The following RHOJ variants were observed in gnomAD, a reference collection of about 807,000 sequenced individuals.
RHOJ encodes the protein ras homolog family member J, also known as rho-related GTP-binding protein RhoJ.
A neutral mutation model predicts 23.4 loss-of-function variants in RHOJ; 11 were observed. That is an observed-to-expected ratio of 0.47 (90% CI 0.30 to 0.78). RHOJ has a LOEUF of 0.78. RHOJ is among the 30% of genes least tolerant of loss of function. The pLI, the probability that RHOJ is intolerant of heterozygous loss-of-function variation, is 0.08. For synonymous variants in RHOJ, 102 were observed against 102.7 expected (o/e 0.99, Z 0.04); for missense variants, 254 against 273.4 (o/e 0.93, Z 0.50).
chr14:63,238,384 C>A (rs1894825843), intron 1 of RHOJ, among the ~76,000 whole-genome samples: 2 of 152,088 alleles, frequency 1.3e-5, no homozygotes, highest in African/African-American at 4.8e-5. Flanking sequence ...AGATCAGGGT[C>A]AGAAGAAAGT....
At chr14:63,255,121 A>C (rs1895140060) in intron 1 of RHOJ, among the ~76,000 whole-genome samples, 1 of 152,044 alleles carries the variant, frequency 6.6e-6, no homozygotes, top group South Asian at 2.1e-4. Flanking sequence ...CATCTCTTTC[A>C]TCTCTTTTTG....
At chr14:63,268,879 C>A (rs1041313631) in intron 1 of RHOJ, among the ~76,000 whole-genome samples, 8 of 152,208 alleles carry the variant, frequency 5.3e-5, no homozygotes, top group Non-Finnish European at 1.2e-4. Context: ...CAATAATATC[C>A]ATCTCTTTTG....
intron 2 of RHOJ, among the ~76,000 whole-genome samples, chr14:63,280,361 C>G (rs1881859194): frequency 1.3e-5 from 2 of 151,992 alleles, no homozygotes; most frequent in African/African-American, 4.8e-5. Context: ...GAGAGTAGAA[C>G]TATTGTTACC....
chr14:63,267,073 C>G (rs941241357), intron 1 of RHOJ, among the ~76,000 whole-genome samples: 10 of 152,206 alleles, frequency 6.6e-5, no homozygotes, highest in African/African-American at 2.4e-4. Context: ...AGAATTGAAT[C>G]TGGTCTTTCT....
chr14:63,215,002 G>A (rs1201747993), intron 1 of RHOJ, among the ~76,000 whole-genome samples: 1 of 152,096 alleles, frequency 6.6e-6, no homozygotes, highest in Non-Finnish European at 1.5e-5. Flanking sequence ...TCTTTGGGGT[G>A]GTTTTGATGC....
At chr14:63,279,049 G>A (rs1881816548) in intron 2 of RHOJ, among the ~76,000 whole-genome samples, 1 of 152,170 alleles carries the variant, frequency 6.6e-6, no homozygotes, top group African/African-American at 2.4e-5. Flanking sequence ...AGCTCCCTCT[G>A]GGGAGAGGAA....
chr14:63,275,177 G>C (rs1238551603), intron 2 of RHOJ, among the ~76,000 whole-genome samples: 1 of 152,050 alleles, frequency 6.6e-6, no homozygotes, highest in African/African-American at 2.4e-5. Flanking sequence ...TAATTACCCA[G>C]GCGTGGTGTG....
At position 63,291,050 on chromosome 14, in the gene RHOJ, C is replaced by G; in HGVS notation, c.*26C>G. 2 of 1,613,250 alleles carry G rather than the reference C, an allele frequency of 1.2e-6. No individual in the cohort carries two copies. The highest frequency in any genetic ancestry group is 1.1e-5 in the South Asian group (1 of 91,068). On this transcript the variant is annotated 3_prime_UTR_variant, in exon 5 of 5. Transcript: ENST00000316754. The stretch of plus-strand genomic sequence containing the variant: ...GGTTGTCTGGGACCTGCCTCCACCC[C>G]ATCCAGGGATGAGAATGGCAGCCAA...
At chr14:63,286,672 A>C (rs112760885) in intron 4 of RHOJ, among the ~76,000 whole-genome samples, 205 of 152,376 alleles carry the variant, frequency 1.3e-3, no homozygotes, top group African/African-American at 4.7e-3. Context: ...ACTCTAGCCC[A>C]GCATTTCCTC....
At chr14:63,228,743 C>T (rs557955972) in intron 1 of RHOJ, among the ~76,000 whole-genome samples, 1 of 152,230 alleles carries the variant, frequency 6.6e-6, no homozygotes, top group South Asian at 2.1e-4. Context: ...AGGTTGTAAA[C>T]TGGATAAATG....
intron 1 of RHOJ, among the ~76,000 whole-genome samples, chr14:63,227,230 G>A (rs937725904): frequency 6.6e-6 from 1 of 152,180 alleles, no homozygotes; most frequent in African/African-American, 2.4e-5. Context: ...GGGATTACAG[G>A]TGTGAGCCAC....
In RHOJ at chr14:63,283,922, A is replaced by G. The variant is rs569269554; in HGVS notation, c.498+706A>G. ...CCCCATTACCCCGAGATGTGAGCAA[A>G]GCAGCCACTGAAAAATATTCGAGAG... On this transcript the variant is annotated intron_variant, in intron 4 of 4. Transcript: ENST00000316754. Among the ~76,000 whole-genome samples, 216 of 152,310 alleles carry G rather than the reference A, an allele frequency of 1.4e-3. 2 individuals are homozygous for G. Among genetic ancestry groups the G allele is most frequent in the South Asian group, 2.9e-3 (14 of 4,820 alleles).
chr14:63,222,216 G>T (rs1440190676), intron 1 of RHOJ, among the ~76,000 whole-genome samples: 1 of 151,544 alleles, frequency 6.6e-6, no homozygotes, highest in African/African-American at 2.4e-5. Flanking sequence ...TCTTAATCTA[G>T]TCTATCATTG....
At chr14:63,255,582 C>CT (rs2139644536) in intron 1 of RHOJ, among the ~76,000 whole-genome samples, 2 of 127,504 alleles carry the variant, frequency 1.6e-5, no homozygotes, top group East Asian at 5.4e-4. Flanking sequence ...CCCAGCCTTA[C>CT]CCTCCCCCAC....
chr14:63,285,830 T>C (rs1175464027), intron 4 of RHOJ, among the ~76,000 whole-genome samples: 3 of 152,186 alleles, frequency 2.0e-5, no homozygotes, highest in African/African-American at 7.2e-5. Flanking sequence ...AAGATTGTAA[T>C]TCTTTGTGCA....
rs1261950372 is a variant in RHOJ at position 63,250,717 on chromosome 14, T to C, written c.179-18393T>C. 2.0e-5 allele frequency among the ~76,000 whole-genome samples: 3 copies of C among 152,190 alleles called. No individual in the cohort carries two copies. In the East Asian group the frequency reaches 5.8e-4, roughly 29 times the overall value. On this transcript the variant is annotated intron_variant, in intron 1 of 4. Transcript: ENST00000316754. Reference sequence around the variant, plus strand: ...TTCAATGTCACTTCTTCAAAGGGGTTGTCCCTGACCCCTAATCTAAAGTGA... The same window carrying C: ...TTCAATGTCACTTCTTCAAAGGGGTCGTCCCTGACCCCTAATCTAAAGTGA...
intron 1 of RHOJ, among the ~76,000 whole-genome samples, chr14:63,217,555 A>G (rs1894392788): frequency 6.6e-6 from 1 of 152,028 alleles, no homozygotes; most frequent in South Asian, 2.1e-4. Flanking sequence ...TGGATTAAAG[A>G]CTTAAACGTT....
chr14:63,258,939 A>C (rs1056982190), intron 1 of RHOJ, among the ~76,000 whole-genome samples: 2 of 152,098 alleles, frequency 1.3e-5, no homozygotes, highest in Non-Finnish European at 2.9e-5. Context: ...TGCATTTTTT[A>C]AATGCTTTGT....
Position 63,254,310 on chromosome 14 carries a change from T to G in RHOJ, c.179-14800T>G, listed in dbSNP as rs182841906. Among the ~76,000 whole-genome samples, 139 of 152,278 alleles carry G rather than the reference T, an allele frequency of 9.1e-4. No homozygotes were observed. The Middle Eastern group carries it at 0.031, about 34-fold the overall frequency. On this transcript the variant is annotated intron_variant, in intron 1 of 4. Coordinates refer to ENST00000316754, the MANE Select transcript of RHOJ (RefSeq NM_020663.5). Reference sequence around the variant, plus strand: ...AGAAAGTATCACCGTGGCCTTCTGCTATGATTTCCTGGGTGCTGGGAAAGC... The same window carrying G: ...AGAAAGTATCACCGTGGCCTTCTGCGATGATTTCCTGGGTGCTGGGAAAGC...
Sources: gnomAD v4.1 joint callset for allele counts (sites outside exome capture counted in the v4.1 genomes callset) on GRCh38, gnomAD v4.1.1 for gene constraint, MANE v1.5 for transcripts, NCBI Gene and HGNC (gene_info 2026-07-23, HGNC 2026-07-21) for gene names.